Variants in CDC42SE2 observed in about 807,000 individuals in gnomAD.
CDC42SE2 encodes the protein CDC42 small effector 2.
In CDC42SE2, 3 loss-of-function variants were observed where a neutral mutation model predicts 11.5. That is an observed-to-expected ratio of 0.26 (90% CI 0.12 to 0.67). CDC42SE2 has a LOEUF of 0.67. Ranked by LOEUF, CDC42SE2 falls within the 30% of genes least tolerant of loss-of-function variation. The pLI, the probability that CDC42SE2 is intolerant of heterozygous loss-of-function variation, is 0.80. For missense variants in CDC42SE2, 82 were observed against 106.8 expected (o/e 0.77, Z 1.02); for synonymous variants, 33 against 34.8 (o/e 0.95, Z 0.18).
chr5:131,339,547 C>A (rs765235939), intron 2 of CDC42SE2, among the ~76,000 whole-genome samples: 22 of 151,972 alleles, frequency 1.4e-4, no homozygotes, highest in African/African-American at 3.9e-4. Flanking sequence ...TTGCTCATAC[C>A]TGTAATCCCA....
intron 1 of CDC42SE2, among the ~76,000 whole-genome samples, chr5:131,250,049 A>G (rs1217201930): frequency 6.6e-6 from 1 of 152,212 alleles, no homozygotes; most frequent in Non-Finnish European, 1.5e-5. Flanking sequence ...AGAAAATGCA[A>G]ATTGGCAAAT....
intron 2 of CDC42SE2, among the ~76,000 whole-genome samples, chr5:131,330,851 C>CA (rs912955913): frequency 0.043 from 2,468 of 58,012 alleles, 30 homozygotes; most frequent in African/African-American, 0.057. Flanking sequence ...CCTGCCTTTA[C>CA]AAAAAAAAAA....
chr5:131,381,824 T>C (rs1032858997), intron 3 of CDC42SE2, among the ~76,000 whole-genome samples: 6 of 152,252 alleles, frequency 3.9e-5, no homozygotes, highest in Non-Finnish European at 5.9e-5. Flanking sequence ...TAAAACACTT[T>C]CAATTATTTC....
At chr5:131,286,947 C>T (rs1281524505) in intron 1 of CDC42SE2, among the ~76,000 whole-genome samples, 6 of 151,940 alleles carry the variant, frequency 3.9e-5, no homozygotes, top group Non-Finnish European at 4.4e-5. Flanking sequence ...TTGCCGGGAC[C>T]ATAATCCCTG....
upstream of CDC42SE2, among the ~76,000 whole-genome samples, chr5:131,244,110 A>G (rs938868978): frequency 1.3e-5 from 2 of 152,232 alleles, no homozygotes; most frequent in African/African-American, 4.8e-5. Context: ...CCATTCCACA[A>G]TGATAAAATA....
At chr5:131,338,572 A>C (rs1417856878) in intron 2 of CDC42SE2, among the ~76,000 whole-genome samples, 2 of 152,202 alleles carry the variant, frequency 1.3e-5, no homozygotes, top group Non-Finnish European at 2.9e-5. Context: ...AGTTGTTGAG[A>C]CTTCATTTTC....
intron 1 of CDC42SE2, among the ~76,000 whole-genome samples, chr5:131,270,433 TTAA>T (rs1320419611): frequency 3.9e-5 from 6 of 152,216 alleles, no homozygotes; most frequent in Non-Finnish European, 7.3e-5. Context: ...TTCATTTGAC[TTAA>T]TAAAACTTTC....
intron 1 of CDC42SE2, among the ~76,000 whole-genome samples, chr5:131,265,764 A>C (rs980283615): frequency 3.3e-5 from 5 of 152,338 alleles, no homozygotes; most frequent in Admixed American, 6.5e-5. Context: ...GTTTAATAGA[A>C]TCTGTCTACA....
chr5:131,258,357 T>C (rs1756694953), intron 2 of CDC42SE2, among the ~76,000 whole-genome samples: 1 of 140,120 alleles, frequency 7.1e-6, no homozygotes, highest in East Asian at 1.9e-4. Context: ...CTACCATATA[T>C]GTAAAATTGG....
chr5:131,335,902 C>A (rs374865748), intron 2 of CDC42SE2, among the ~76,000 whole-genome samples: 1 of 150,288 alleles, frequency 6.7e-6, no homozygotes, highest in Non-Finnish European at 1.5e-5. Flanking sequence ...AGCACACTGA[C>A]GGGTCTTGAC....
chr5:131,316,292 C>T (rs1034140537), intron 2 of CDC42SE2, 148 bp downstream of exon 2: 12 of 152,352 alleles, frequency 7.9e-5, no homozygotes, highest in Admixed American at 2.0e-4. Flanking sequence ...AATTCTTTAT[C>T]CCTAACATCA....
At chr5:131,321,656 G>A (rs1386882464) in intron 2 of CDC42SE2, among the ~76,000 whole-genome samples, 4 of 152,106 alleles carry the variant, frequency 2.6e-5, no homozygotes, top group African/African-American at 9.7e-5. Context: ...TAATATTAGG[G>A]GCTGTATTGA....
chr5:131,312,334 G>A (rs965246686), intron 1 of CDC42SE2, among the ~76,000 whole-genome samples: 2 of 152,172 alleles, frequency 1.3e-5, no homozygotes, highest in Non-Finnish European at 2.9e-5. Context: ...GGGAGTGCCA[G>A]TGCTCTCTTC....
chr5:131,265,579 A>T (rs1756842973), intron 1 of CDC42SE2, among the ~76,000 whole-genome samples: 1 of 152,234 alleles, frequency 6.6e-6, no homozygotes, highest in Non-Finnish European at 1.5e-5. Context: ...TTGAATGCAA[A>T]GTTATTTCCT....
chr5:131,392,421 A>C lies in CDC42SE2; in HGVS notation c.*1330A>C, dbSNP rs775579332. The stretch of plus-strand genomic sequence containing the variant: ...ATTTCTTTGCTGCCATGGGCTGATG[A>C]TGCTGCTATTAGATAAAGTTTAGCT... On this transcript the variant is annotated 3_prime_UTR_variant, in exon 5 of 5. Coordinates refer to ENST00000505065, the MANE Select transcript of CDC42SE2 (RefSeq NM_001375635.1). The C allele has an allele frequency of 6.5e-5, 10 of 152,758 alleles. No homozygotes were observed. Among genetic ancestry groups the C allele is most frequent in the Non-Finnish European group, 1.0e-4 (7 of 68,042 alleles). 9.5% of individuals were successfully genotyped at this position (152,758 alleles called of 1,614,324 possible).
chr5:131,245,631 T>C (rs1756575332), intron 1 of CDC42SE2: 1 of 152,226 alleles, frequency 6.6e-6, no homozygotes, highest in Non-Finnish European at 1.5e-5. Flanking sequence ...CATAATGTAA[T>C]GGTGCCTAAA....
At chr5:131,253,439 C>G (rs1756656657) in intron 1 of CDC42SE2, among the ~76,000 whole-genome samples, 1 of 152,174 alleles carries the variant, frequency 6.6e-6, no homozygotes, top group South Asian at 2.1e-4. Flanking sequence ...TTGAATTGAT[C>G]CTATTAACTC....
At chr5:131,238,039 C>T in the CDC42SE2 span, among the ~76,000 whole-genome samples, 1 of 151,424 alleles carries the variant, frequency 6.6e-6, no homozygotes, top group Admixed American at 6.6e-5. Flanking sequence ...GAACCACTAT[C>T]AGACATATAT....
At position 131,393,913 on chromosome 5, in the gene CDC42SE2, T is replaced by TAAC. The variant is rs1438162206; in HGVS notation, c.*2823_*2825dup. 8 of 147,864 alleles carry TAAC rather than the reference T, an allele frequency of 5.4e-5. No homozygotes were observed. The highest frequency in any genetic ancestry group is 1.8e-4 in the African/African-American group (7 of 39,598). 9.2% of individuals were successfully genotyped at this position (147,864 alleles called of 1,614,324 possible). ...AGCCAAAAGTGGACTTGTCAGCCTA[T>TAAC]AACTACTCTGCAGCTGCCACTAACT... On this transcript the variant is annotated 3_prime_UTR_variant, in exon 5 of 5. Coordinates refer to ENST00000505065, the MANE Select transcript of CDC42SE2 (RefSeq NM_001375635.1).
Sources: gnomAD v4.1 joint callset for allele counts (sites outside exome capture counted in the v4.1 genomes callset) on GRCh38, gnomAD v4.1.1 for gene constraint, MANE v1.5 for transcripts, NCBI Gene and HGNC (gene_info 2026-07-23, HGNC 2026-07-21) for gene names.